Variants in LYPD6B observed in about 807,000 individuals in gnomAD.
LYPD6B encodes ly6/PLAUR domain-containing protein 6B.
Under a neutral mutation model 22.8 loss-of-function variants are expected in LYPD6B, and 17 were observed. The observed-to-expected ratio is 0.75, with a 90% confidence interval of 0.51 to 1.12. The LOEUF (loss-of-function observed/expected upper bound fraction) is 1.12. LYPD6B is among the 50% of genes most tolerant of loss of function. LYPD6B has a pLI of 0.00. For synonymous variants in LYPD6B, 106 were observed against 91.6 expected, an observed-to-expected ratio of 1.16 and a Z score of -0.90; for missense variants, 221 against 258.3, an observed-to-expected ratio of 0.86 and a Z score of 0.99.
intron 1 of LYPD6B, among the ~76,000 whole-genome samples, chr2:149,065,609 G>A (rs1684284780): frequency 6.6e-6 from 1 of 152,222 alleles, no homozygotes; most frequent in Non-Finnish European, 1.5e-5. Flanking sequence ...GAGCCTGGTT[G>A]ATTGGCAGCA....
chr2:149,197,969 A>T (rs1021054278), intron 3 of LYPD6B, among the ~76,000 whole-genome samples: 6 of 152,178 alleles, frequency 3.9e-5, no homozygotes, highest in Non-Finnish European at 7.3e-5. Context: ...GTTGGATAAG[A>T]CATGGCAAAC....
In LYPD6B at chr2:149,135,267, T is replaced by C. The variant is rs909453356; in HGVS notation, c.5+4314T>C. Among the ~76,000 whole-genome samples the C allele has an allele frequency of 2.7e-5, 3 of 111,712 alleles. No individual in the cohort carries two copies. The East Asian group carries it at 9.2e-4, about 34-fold the overall frequency. 73.3% of individuals were successfully genotyped at this position (111,712 alleles called of 152,430 possible). Reference sequence around the variant, plus strand: ...CTCAAATTAAAAAAAAAAAAAAAAATAGATTACTTGCAGTTGTGTCTGATT... The same window carrying C: ...CTCAAATTAAAAAAAAAAAAAAAAACAGATTACTTGCAGTTGTGTCTGATT... On this transcript the variant is annotated intron_variant, in intron 2 of 6. Transcript: ENST00000409642.
chr2:149,105,802 A>T (rs904664347), intron 1 of LYPD6B, among the ~76,000 whole-genome samples: 1 of 152,080 alleles, frequency 6.6e-6, no homozygotes, highest in Non-Finnish European at 1.5e-5. Context: ...GTCTTGACTT[A>T]TTGCACTGGC....
intron 1 of LYPD6B, among the ~76,000 whole-genome samples, chr2:149,074,922 GT>G (rs1684811090): frequency 6.6e-6 from 1 of 152,062 alleles, no homozygotes; most frequent in South Asian, 2.1e-4. Context: ...CAGGCAGCTA[GT>G]TTTTTTCTGC....
At chr2:149,091,392 T>G (rs1685644313) in intron 1 of LYPD6B, among the ~76,000 whole-genome samples, 1 of 150,598 alleles carries the variant, frequency 6.6e-6, no homozygotes, top group Non-Finnish European at 1.5e-5. Context: ...TATATTTATA[T>G]ATATAAAGAG....
chr2:149,189,273 C>T (rs540885522), intron 3 of LYPD6B, among the ~76,000 whole-genome samples: 3 of 145,982 alleles, frequency 2.1e-5, no homozygotes, highest in African/African-American at 7.7e-5. Flanking sequence ...AATAAATTGT[C>T]TATTCAAGGG....
chr2:149,112,173 G>A (rs1195132818), intron 1 of LYPD6B, among the ~76,000 whole-genome samples: 1 of 152,156 alleles, frequency 6.6e-6, no homozygotes, highest in African/African-American at 2.4e-5. Flanking sequence ...TGGGTTGTAA[G>A]GAGATGCATG....
intron 2 of LYPD6B, among the ~76,000 whole-genome samples, chr2:149,142,506 T>C (rs1688754757): frequency 6.6e-6 from 1 of 152,188 alleles, no homozygotes; most frequent in African/African-American, 2.4e-5. Flanking sequence ...GAGAAGGGAA[T>C]TGGAGAGTGC....
chr2:149,197,831 A>G (rs779245549), intron 3 of LYPD6B, among the ~76,000 whole-genome samples: 2 of 152,174 alleles, frequency 1.3e-5, no homozygotes, highest in East Asian at 1.9e-4. Context: ...TAATGCATAC[A>G]TGACTTGGCA....
intron 1 of LYPD6B, among the ~76,000 whole-genome samples, chr2:149,075,493 G>C (rs1216133062): frequency 7.1e-6 from 1 of 141,376 alleles, no homozygotes; most frequent in Admixed American, 7.2e-5. Flanking sequence ...AAGTTAAATA[G>C]TTCATAAGAT....
chr2:149,103,827 A>C (rs1686336347), intron 1 of LYPD6B, among the ~76,000 whole-genome samples: 1 of 116,718 alleles, frequency 8.6e-6, no homozygotes, highest in Admixed American at 1.3e-4. Context: ...CCCAGGCTGG[A>C]GTGCAGTGGC....
chr2:149,196,116 A>C (rs1258074690), intron 3 of LYPD6B, among the ~76,000 whole-genome samples: 1 of 152,232 alleles, frequency 6.6e-6, no homozygotes. Flanking sequence ...TTTCCAGGGA[A>C]TATGAAATTA....
intron 6 of LYPD6B, among the ~76,000 whole-genome samples, chr2:149,213,496 A>G (rs982270248): frequency 1.3e-5 from 2 of 152,238 alleles, no homozygotes; most frequent in Non-Finnish European, 2.9e-5. Context: ...CCTCAGTTTA[A>G]TATGATGAAC....
intron 1 of LYPD6B, among the ~76,000 whole-genome samples, chr2:149,058,607 C>A (rs947418365): frequency 7.2e-5 from 11 of 152,114 alleles, no homozygotes; most frequent in Non-Finnish European, 1.3e-4. Flanking sequence ...AGAAACAGTC[C>A]ATTTCACTCT....
intron 1 of LYPD6B, among the ~76,000 whole-genome samples, chr2:149,058,772 A>T (rs894076734): frequency 1.3e-5 from 2 of 152,160 alleles, no homozygotes; most frequent in Non-Finnish European, 2.9e-5. Context: ...GGCGTCTGCC[A>T]CGACGCCCAG....
chr2:149,162,122 GT>G lies in LYPD6B; in HGVS notation c.77+1289del, dbSNP rs140674709. ...CCAAAGCAAGGAAACGTAATTCATT[GT>G]TAGTAACAGTGTTAAACAGTGTCAG... On this transcript the variant is annotated intron_variant, in intron 3 of 6. Transcript: ENST00000409642. Among the ~76,000 whole-genome samples the G allele has an allele frequency of 2.8e-3, 424 of 152,294 alleles. 3 individuals are homozygous for G. The highest frequency in any genetic ancestry group is 9.9e-3 in the African/African-American group (411 of 41,558).
At chr2:149,188,105 G>A (rs908709319) in intron 3 of LYPD6B, among the ~76,000 whole-genome samples, 2 of 152,124 alleles carry the variant, frequency 1.3e-5, no homozygotes, top group African/African-American at 4.8e-5. Context: ...CTTTTCCTGG[G>A]TACAGCATTC....
In LYPD6B at chr2:149,133,606, G is replaced by A. The variant is rs537699733; in HGVS notation, c.5+2653G>A. On this transcript the variant is annotated intron_variant, in intron 2 of 6. Coordinates refer to ENST00000409642, the MANE Select transcript of LYPD6B (RefSeq NM_177964.5). ...CTAAGTCGAAATACATTCACATGTC[G>A]GCTTGTAAGGTATAATCCTAGATGT... Among the ~76,000 whole-genome samples the A allele has an allele frequency of 7.4e-4, 113 of 152,274 alleles. 1 individual carries two copies. Among genetic ancestry groups the A allele is most frequent in the South Asian group, 1.0e-3 (5 of 4,826 alleles).
In LYPD6B at chr2:149,127,997, T is replaced by A. The variant is rs548521032; in HGVS notation, c.-66-2886T>A. On this transcript the variant is annotated intron_variant, in intron 1 of 6. Coordinates refer to ENST00000409642, the MANE Select transcript of LYPD6B (RefSeq NM_177964.5). ...AGTACTGCATAGGTAAATGATGATT[T>A]TTTTTTTTAAAAAAGAAACAAATTA... Among the ~76,000 whole-genome samples the A allele has an allele frequency of 7.4e-3, 1,127 of 151,816 alleles. 18 individuals are homozygous for A. The highest frequency in any genetic ancestry group is 0.026 in the African/African-American group (1,081 of 41,448).
Sources: allele counts gnomAD v4.1 joint callset (sites outside exome capture counted in the v4.1 genomes callset), GRCh38; gene constraint gnomAD v4.1.1; transcripts MANE v1.5; gene names NCBI Gene and HGNC (gene_info 2026-07-23, HGNC 2026-07-21).